ART3: variants seen among roughly 807,000 people sequenced by gnomAD.
ART3 encodes the protein ADP-ribosyltransferase 3 (inactive).
A neutral mutation model predicts 48.5 loss-of-function variants in ART3; 49 were observed. The ratio of observed to expected loss-of-function variants is 1.01; its 90% CI spans 0.80 to 1.28. The LOEUF (loss-of-function observed/expected upper bound fraction) is 1.28. Among genes scored for constraint, ART3 ranks in the 50% most tolerant of loss-of-function variants. ART3 has a pLI of 0.00. For missense variants in ART3, 438 were observed against 454.3 expected, an observed-to-expected ratio of 0.96 and a Z score of 0.33; for synonymous variants, 145 against 157.2, an observed-to-expected ratio of 0.92 and a Z score of 0.58.
At chr4:76,101,729 G>A (rs1727363641) in intron 8 of ART3, among the ~76,000 whole-genome samples, 1 of 151,788 alleles carries the variant, frequency 6.6e-6, no homozygotes, top group African/African-American at 2.4e-5. Flanking sequence ...TCTAGCCTGG[G>A]TGACAGAGTG....
At chr4:76,061,938 G>A (rs1719255134) in intron 1 of ART3, among the ~76,000 whole-genome samples, 1 of 152,322 alleles carries the variant, frequency 6.6e-6, no homozygotes, top group Non-Finnish European at 1.5e-5. Flanking sequence ...AATTTCTAGA[G>A]TCCCTTTCCC....
chr4:76,023,089 A>G (rs562772344), intron 1 of ART3, among the ~76,000 whole-genome samples: 23 of 152,178 alleles, frequency 1.5e-4, no homozygotes, highest in Non-Finnish European at 2.4e-4. Flanking sequence ...AAGTATCTGT[A>G]TCTCATCTCT....
chr4:76,071,822 C>A (rs1720345113), upstream of ART3, among the ~76,000 whole-genome samples: 1 of 152,230 alleles, frequency 6.6e-6, no homozygotes, highest in African/African-American at 2.4e-5. Flanking sequence ...CTTTACTCCC[C>A]TCTTTTTCTT....
rs77740134 is a variant in ART3, at chr4:76,050,431, A to C, written c.-9-25450A>C. On this transcript the variant is annotated intron_variant, in intron 1 of 9. Transcript: ENST00000341029. Reference sequence around the variant, plus strand: ...CCAGAATAGCTAGATACGGAGTGTCAATTGGTGCATTCACAAACCCTGAGC... The same window carrying C: ...CCAGAATAGCTAGATACGGAGTGTCCATTGGTGCATTCACAAACCCTGAGC... Among the ~76,000 whole-genome samples, 208 of 152,242 alleles carry C rather than the reference A, an allele frequency of 1.4e-3. 1 individual carries two copies. Among genetic ancestry groups the C allele is most frequent in the African/African-American group, 4.8e-3 (198 of 41,548 alleles).
intron 1 of ART3, among the ~76,000 whole-genome samples, chr4:76,044,560 T>C (rs184075228): frequency 6.6e-6 from 1 of 151,816 alleles, no homozygotes; most frequent in East Asian, 1.9e-4. Flanking sequence ...CACTGTTTTT[T>C]CTTTACTACT....
At chr4:76,013,270 C>T (rs1731966715) in intron 1 of ART3, among the ~76,000 whole-genome samples, 1 of 152,144 alleles carries the variant, frequency 6.6e-6, no homozygotes, top group Non-Finnish European at 1.5e-5. Flanking sequence ...ATTTGAGAAC[C>T]TGCAAGTACT....
At chr4:76,073,132 A>G (rs548615106), upstream of ART3, among the ~76,000 whole-genome samples, 63 of 152,306 alleles carry the variant, frequency 4.1e-4, no homozygotes, top group Middle Eastern at 0.017. Context: ...ATATTTATCC[A>G]TTTCGTTCAC....
chr4:76,093,002 G>C lies in ART3; in HGVS notation c.782-4642G>C, dbSNP rs75000880. On this transcript the variant is annotated intron_variant, in intron 3 of 11. Transcript: ENST00000355810. ...TAAGTCTTGCTGAGCTGAAATTAAGGTGTTGGTAGGGCTGCATTCCTTCCC... is the reference window on the plus strand; with the variant it reads ...TAAGTCTTGCTGAGCTGAAATTAAGCTGTTGGTAGGGCTGCATTCCTTCCC... Among the ~76,000 whole-genome samples, 1,211 of 152,270 alleles carry C rather than the reference G, an allele frequency of 8.0e-3. 14 individuals are homozygous for C. Among genetic ancestry groups the C allele is most frequent in the African/African-American group, 0.028 (1,166 of 41,542 alleles).
intron 1 of ART3, among the ~76,000 whole-genome samples, chr4:76,065,263 AT>A (rs1216122595): frequency 4.6e-5 from 7 of 152,166 alleles, no homozygotes; most frequent in Admixed American, 4.6e-4. Flanking sequence ...GTACTGAATC[AT>A]TTAATCTTGT....
chr4:76,092,658 T>C (rs1725163185), intron 3 of ART3, among the ~76,000 whole-genome samples: 1 of 152,162 alleles, frequency 6.6e-6, no homozygotes, highest in Admixed American at 6.5e-5. Flanking sequence ...ATTGAACTTA[T>C]GGATTTGTAG....
intron 1 of ART3, among the ~76,000 whole-genome samples, chr4:76,055,309 T>A (rs1718583246): frequency 6.6e-6 from 1 of 152,242 alleles, no homozygotes; most frequent in African/African-American, 2.4e-5. Context: ...GAGTCCAGAA[T>A]AATTGCCATC....
chr4:76,023,254 C>T (rs1308069444), intron 1 of ART3: 4 of 757,552 alleles, frequency 5.3e-6, no homozygotes, highest in African/African-American at 5.2e-5. Flanking sequence ...ATTTATTTCC[C>T]TCTTATTTAT....
Position 76,082,453 on chromosome 4 carries a change from G to A in ART3, c.699G>A (p.Val233=). 13 of 1,613,458 alleles carry A rather than the reference G, an allele frequency of 8.1e-6. No homozygotes were observed. Among genetic ancestry groups the A allele is most frequent in the Non-Finnish European group, 1.1e-5 (13 of 1,179,976 alleles). Residue 233 remains valine (V), a synonymous_variant, in exon 3 of 12, where the codon GTG becomes GTA. Transcript: ENST00000355810. ...TLIPLNEVFQ[V]SQEGAGNNLI... ...TACCTCTGAATGAGGTTTTTCAAGTGTCACAGGAGGGGGCTGGCAATAACC... is the reference window on the plus strand; with the variant it reads ...TACCTCTGAATGAGGTTTTTCAAGTATCACAGGAGGGGGCTGGCAATAACC...
intron 1 of ART3, among the ~76,000 whole-genome samples, chr4:76,028,484 T>G (rs1314356968): frequency 6.6e-6 from 1 of 152,240 alleles, no homozygotes; most frequent in Non-Finnish European, 1.5e-5. Context: ...AGGAACAGTC[T>G]GCCCTGACAA....
chr4:76,054,430 T>TA (rs11446760), intron 1 of ART3, among the ~76,000 whole-genome samples: 88,934 of 151,856 alleles, frequency 0.59, 26,899 homozygotes, highest in East Asian at 0.94. Flanking sequence ...AGTGCGAATA[T>TA]AAAAAAAATA....
At chr4:76,098,424 G>A (rs1487314359) in intron 4 of ART3, among the ~76,000 whole-genome samples, 1 of 152,028 alleles carries the variant, frequency 6.6e-6, no homozygotes, top group Non-Finnish European at 1.5e-5. Context: ...AGAAGAGAGA[G>A]AAAAAAAGTT....
chr4:76,041,912 T>C (rs1278832429), intron 1 of ART3, among the ~76,000 whole-genome samples: 1 of 152,248 alleles, frequency 6.6e-6, no homozygotes, highest in African/African-American at 2.4e-5. Context: ...TATATCTCAT[T>C]GCTCTTTTTC....
intron 2 of ART3, among the ~76,000 whole-genome samples, chr4:76,076,935 T>A (rs1037903038): frequency 1.3e-5 from 2 of 149,254 alleles, no homozygotes; most frequent in African/African-American, 2.4e-5. Flanking sequence ...ATTCTTAAAC[T>A]GTTATCCTTT....
intron 1 of ART3, among the ~76,000 whole-genome samples, chr4:76,029,552 A>G (rs1042810624): frequency 6.6e-6 from 1 of 152,024 alleles, no homozygotes; most frequent in Non-Finnish European, 1.5e-5. Flanking sequence ...TGCCTCATTC[A>G]CCCCTTCTCC....
Sources: allele counts gnomAD v4.1 joint callset (sites outside exome capture counted in the v4.1 genomes callset), GRCh38; gene constraint gnomAD v4.1.1; transcripts MANE v1.5; gene names NCBI Gene and HGNC (gene_info 2026-07-23, HGNC 2026-07-21).